Variants in CAMK1D observed in about 807,000 individuals in gnomAD.
The protein encoded by CAMK1D is calcium/calmodulin dependent protein kinase ID.
A neutral mutation model predicts 47.7 loss-of-function variants in CAMK1D; 9 were observed. The ratio of observed to expected loss-of-function variants is 0.19; its 90% CI spans 0.11 to 0.33. CAMK1D has a LOEUF of 0.33. CAMK1D is among the 10% of genes least tolerant of loss of function. CAMK1D has a pLI of 1.00. For missense variants in CAMK1D, 291 were observed against 488.7 expected (o/e 0.60, Z 3.81); for synonymous variants, 184 against 184.9 (o/e 0.99, Z 0.04).
intron 5 of CAMK1D, among the ~76,000 whole-genome samples, chr10:12,777,363 CTTTT>C (rs869192068): frequency 2.3e-5 from 2 of 88,524 alleles, no homozygotes; most frequent in Non-Finnish European, 2.3e-5. Context: ...TTTGGTTGAA[CTTTT>C]TTTTTTTTTT....
chr10:12,649,848 C>T lies in CAMK1D; in HGVS notation c.225-16888C>T, dbSNP rs184276208. ...TTCATGATGAAACAAAAATGTATAT[C>T]AACTTTTCACTTGGGAAATTAAAAG... On this transcript the variant is annotated intron_variant, in intron 2 of 10. Coordinates refer to ENST00000619168, the MANE Select transcript of CAMK1D (RefSeq NM_153498.4). 4.6e-3 allele frequency among the ~76,000 whole-genome samples: 694 copies of T among 152,266 alleles called. 4 individuals are homozygous for T. The highest frequency in any genetic ancestry group is 7.5e-3 in the Non-Finnish European group (510 of 68,030).
intron 3 of CAMK1D, among the ~76,000 whole-genome samples, chr10:12,695,896 G>C (rs1394783011): frequency 6.6e-6 from 1 of 152,084 alleles, no homozygotes; most frequent in African/African-American, 2.4e-5. Flanking sequence ...GGCCAACATA[G>C]TGAAACCCCG....
At chr10:12,608,964 C>T (rs141858023) in intron 2 of CAMK1D, among the ~76,000 whole-genome samples, 12 of 152,134 alleles carry the variant, frequency 7.9e-5, no homozygotes, top group South Asian at 2.1e-4. Flanking sequence ...GGAATGGTGC[C>T]GGGCAGATGA....
intron 1 of CAMK1D, among the ~76,000 whole-genome samples, chr10:12,544,978 C>T (rs1836315876): frequency 1.3e-5 from 2 of 152,216 alleles, no homozygotes; most frequent in African/African-American, 2.4e-5. Context: ...GGGTGAAGAG[C>T]CTGATGGGGA....
chr10:12,815,854 G>A (rs1337394166), intron 7 of CAMK1D, among the ~76,000 whole-genome samples: 1 of 152,242 alleles, frequency 6.6e-6, no homozygotes, highest in African/African-American at 2.4e-5. Flanking sequence ...TGCTCAGTAG[G>A]TTTAGTTGAA....
intron 1 of CAMK1D, among the ~76,000 whole-genome samples, chr10:12,535,486 T>A (rs1835940643): frequency 6.6e-6 from 1 of 152,198 alleles, no homozygotes; most frequent in African/African-American, 2.4e-5. Context: ...AAGTCCTCCA[T>A]GAAGTCAGCT....
Position 12,835,243 on chromosome 10 carries a change from A to G in CAMK1D, c.*6356A>G, listed in dbSNP as rs1383762729. The G allele has an allele frequency of 2.6e-5, 4 of 152,218 alleles. No individual in the cohort carries two copies. The highest frequency in any genetic ancestry group is 9.7e-5 in the African/African-American group (4 of 41,450). 9.4% of individuals were successfully genotyped at this position (152,218 alleles called of 1,614,324 possible). A position where few individuals can be genotyped will look rare whatever the true frequency, so the allele number is the denominator to read the frequency against. On this transcript the variant is annotated 3_prime_UTR_variant, in exon 11 of 11. Transcript: ENST00000619168. The stretch of plus-strand genomic sequence containing the variant: ...CAGTGAGCATGCTTCCCAAAAAATT[A>G]CAACATCAAAACCAGGAATGTCCCC...
intron 3 of CAMK1D, among the ~76,000 whole-genome samples, chr10:12,698,582 T>A (rs1321762484): frequency 6.6e-6 from 1 of 151,896 alleles, no homozygotes; most frequent in Non-Finnish European, 1.5e-5. Context: ...ATTTAGTTCA[T>A]CCCTAAAGAA....
intron 2 of CAMK1D, among the ~76,000 whole-genome samples, chr10:12,558,927 G>A (rs1836850609): frequency 1.3e-5 from 2 of 152,196 alleles, no homozygotes; most frequent in Admixed American, 1.3e-4. Context: ...AGGAGTCTCA[G>A]ATGATGGTCT....
chr10:12,823,194 G>A (rs533655342), intron 8 of CAMK1D, among the ~76,000 whole-genome samples: 45 of 152,300 alleles, frequency 3.0e-4, no homozygotes, highest in African/African-American at 1.0e-3. Context: ...CCGTGTCTGG[G>A]CTGTTTAATG....
intron 2 of CAMK1D, among the ~76,000 whole-genome samples, chr10:12,600,711 G>A (rs1377764503): frequency 6.6e-6 from 1 of 152,126 alleles, no homozygotes; most frequent in Admixed American, 6.5e-5. Context: ...TGAGCTTTTG[G>A]TGTAACCATC....
chr10:12,547,344 A>G (rs1227716729), intron 1 of CAMK1D, among the ~76,000 whole-genome samples: 1 of 152,160 alleles, frequency 6.6e-6, no homozygotes, highest in East Asian at 1.9e-4. Context: ...CTGCAGAGAG[A>G]AGAGTGGGGC....
chr10:12,772,722 T>G (rs1341819620), intron 5 of CAMK1D, among the ~76,000 whole-genome samples: 1 of 152,064 alleles, frequency 6.6e-6, no homozygotes, highest in South Asian at 2.1e-4. Context: ...GGTAATGGTG[T>G]TGTGAGATAC....
chr10:12,581,803 T>C (rs955716277), intron 2 of CAMK1D, among the ~76,000 whole-genome samples: 1 of 152,196 alleles, frequency 6.6e-6, no homozygotes, highest in East Asian at 1.9e-4. Context: ...TTGTAAGATG[T>C]ATAGATGGTG....
rs1286745910 is a variant in CAMK1D, at chr10:12,553,725, GATGCTGC to G, written c.224+370_224+376del. ...GCAGGGTGTTGTAAAGATTTGGTGA[GATGCTGC>G]TTACTAAGTTTTTGTGAAGTGCTCA... On this transcript the variant is annotated intron_variant, in intron 2 of 10. Transcript: ENST00000619168. 2.0e-5 allele frequency among the ~76,000 whole-genome samples: 3 copies of G among 152,228 alleles called. No homozygotes were observed. In the East Asian group the frequency reaches 5.8e-4, roughly 29 times the overall value.
intron 3 of CAMK1D, among the ~76,000 whole-genome samples, chr10:12,749,550 T>TG (rs547959564): frequency 2.2e-5 from 3 of 135,542 alleles, no homozygotes; most frequent in African/African-American, 1.0e-4. Flanking sequence ...TTTGTTTGTT[T>TG]TTTGTTTGTT....
chr10:12,538,345 T>G (rs1836045957), intron 1 of CAMK1D, among the ~76,000 whole-genome samples: 1 of 152,020 alleles, frequency 6.6e-6, no homozygotes. Context: ...AGGTGAGACA[T>G]GGTGATTTGT....
intron 1 of CAMK1D, among the ~76,000 whole-genome samples, chr10:12,454,407 C>A (rs1434900070): frequency 6.6e-6 from 1 of 152,186 alleles, no homozygotes; most frequent in Non-Finnish European, 1.5e-5. Flanking sequence ...TGTGATCCAT[C>A]TGCCTCGTCC....
intron 5 of CAMK1D, among the ~76,000 whole-genome samples, chr10:12,776,642 T>G (rs960213982): frequency 9.2e-5 from 14 of 152,208 alleles, no homozygotes; most frequent in African/African-American, 3.1e-4. Flanking sequence ...TGTTATTGAA[T>G]CATTAACATC....
Sources: allele counts gnomAD v4.1 joint callset (sites outside exome capture counted in the v4.1 genomes callset), GRCh38; gene constraint gnomAD v4.1.1; transcripts MANE v1.5; gene names NCBI Gene and HGNC (gene_info 2026-07-23, HGNC 2026-07-21).